Variants in UGGT2 observed in about 807,000 individuals in gnomAD.
UGGT2 encodes UDP-glucose:glycoprotein glucosyltransferase 2.
In UGGT2, 180 loss-of-function variants were observed where a neutral mutation model predicts 192.1. The ratio of observed to expected loss-of-function variants is 0.94; its 90% CI spans 0.83 to 1.06. The LOEUF is 1.06. Ranked by LOEUF, UGGT2 falls within the 50% of genes least tolerant of loss-of-function variation. UGGT2 has a pLI of 0.00. For missense variants in UGGT2, 1,849 were observed against 1,795.7 expected, an observed-to-expected ratio of 1.03 and a Z score of -0.54; for synonymous variants, 580 against 591.0, an observed-to-expected ratio of 0.98 and a Z score of 0.27.
At chr13:95,989,862 G>T in intron 8 of UGGT2, 111 bp downstream of exon 8, 1 of 613,610 alleles carries the variant, frequency 1.6e-6, no homozygotes, top group Non-Finnish European at 2.7e-6. Context: ...TTATTCACTA[G>T]TCATTAATAC....
intron 26 of UGGT2, among the ~76,000 whole-genome samples, chr13:95,886,832 C>T (rs1013625615): frequency 6.6e-5 from 10 of 152,050 alleles, no homozygotes; most frequent in Admixed American, 3.9e-4. Flanking sequence ...CTCTTGAGGC[C>T]AGGAGTTCAA....
intron 17 of UGGT2, among the ~76,000 whole-genome samples, chr13:95,929,651 G>A (rs1157990485): frequency 6.6e-6 from 1 of 152,154 alleles, no homozygotes; most frequent in African/African-American, 2.4e-5. Context: ...AGTATTCCAT[G>A]GTGTATATAT....
At chr13:95,803,139 CCTGGT>C (rs1884144372) in intron 38 of UGGT2, among the ~76,000 whole-genome samples, 1 of 151,792 alleles carries the variant, frequency 6.6e-6, no homozygotes, top group African/African-American at 2.4e-5. Context: ...CAGCCGATAG[CCTGGT>C]ATCTATTCTA....
At chr13:95,803,237 GA>G (rs1301548205) in intron 38 of UGGT2, among the ~76,000 whole-genome samples, 1 of 152,128 alleles carries the variant, frequency 6.6e-6, no homozygotes, top group African/African-American at 2.4e-5. Flanking sequence ...GGGTGGGAGA[GA>G]GGGGGAAAGA....
intron 38 of UGGT2, among the ~76,000 whole-genome samples, chr13:95,805,361 G>C: frequency 6.6e-6 from 1 of 151,756 alleles, no homozygotes; most frequent in Admixed American, 6.6e-5. Context: ...GTAAAATAAT[G>C]CAACTGCTAT....
At chr13:96,005,728 G>C (rs1015084254) in intron 5 of UGGT2, among the ~76,000 whole-genome samples, 1 of 152,186 alleles carries the variant, frequency 6.6e-6, no homozygotes, top group African/African-American at 2.4e-5. Context: ...GAACATCAGA[G>C]AATATCCCCT....
At chr13:95,905,092 T>C (rs2140305698) in intron 20 of UGGT2, among the ~76,000 whole-genome samples, 1 of 152,308 alleles carries the variant, frequency 6.6e-6, no homozygotes, top group Middle Eastern at 3.4e-3. Context: ...CATAAATGTC[T>C]TCTTTTGAGA....
chr13:95,870,385 T>A (rs1010443908), intron 29 of UGGT2, among the ~76,000 whole-genome samples: 1 of 152,212 alleles, frequency 6.6e-6, no homozygotes, highest in African/African-American at 2.4e-5. Context: ...TTGCATGTTA[T>A]TTGGAACTTA....
intron 12 of UGGT2, among the ~76,000 whole-genome samples, chr13:95,958,573 G>A (rs1160531878): frequency 2.0e-5 from 3 of 151,112 alleles, no homozygotes; most frequent in Admixed American, 2.0e-4. Context: ...AAATTTCAGA[G>A]AGGATTTTTC....
intron 12 of UGGT2, among the ~76,000 whole-genome samples, chr13:95,956,412 A>G (rs2050212995): frequency 1.3e-5 from 2 of 152,250 alleles, no homozygotes; most frequent in South Asian, 2.1e-4. Context: ...TGCAAATCAT[A>G]TATCTGATAA....
At chr13:95,949,147 G>A (rs1271409227) in intron 13 of UGGT2, among the ~76,000 whole-genome samples, 188 bp downstream of exon 13, 2 of 152,120 alleles carry the variant, frequency 1.3e-5, no homozygotes, top group Non-Finnish European at 2.9e-5. Flanking sequence ...AGCAGCATGA[G>A]AACGGACTAA....
chr13:95,911,379 A>G (rs1176825797), intron 20 of UGGT2, among the ~76,000 whole-genome samples: 2 of 152,164 alleles, frequency 1.3e-5, no homozygotes. Context: ...TCAAATAGAC[A>G]CAATAAAAAA....
intron 35 of UGGT2, 120 bp downstream of exon 35, chr13:95,854,194 AT>A (rs1263633157): frequency 9.8e-7 from 1 of 1,021,264 alleles, no homozygotes; most frequent in Non-Finnish European, 1.4e-6. Flanking sequence ...AATGAACACT[AT>A]GTAATTGGTT....
rs2047593679 is a variant in UGGT2, at chr13:95,884,650, C to T, written c.3069G>A (p.Leu1023=). 3 of 1,613,468 alleles carry T rather than the reference C, an allele frequency of 1.9e-6. No individual in the cohort carries two copies. In the Admixed American group the frequency reaches 5.0e-5, roughly 27 times the overall value. Residue 1023 remains leucine (L), a synonymous_variant, in exon 27 of 39, where the codon CTG becomes CTA. Transcript: ENST00000376747. ...SFYRFVLEPE[L]MSGANDVSSL... is the part of the protein sequence containing the mutation. Reference sequence around the variant, plus strand: ...AAGAAACGTCATTAGCCCCTGACATCAGTTCTGGTTCCAGAACAAAACGGT... The same window carrying T: ...AAGAAACGTCATTAGCCCCTGACATTAGTTCTGGTTCCAGAACAAAACGGT...
intron 36 of UGGT2, among the ~76,000 whole-genome samples, chr13:95,847,557 T>C (rs1017656402): frequency 2.0e-5 from 3 of 152,232 alleles, no homozygotes; most frequent in Admixed American, 6.5e-5. Flanking sequence ...TAATACAGTA[T>C]GTAATCTTTT....
intron 33 of UGGT2, among the ~76,000 whole-genome samples, chr13:95,858,533 T>A (rs1889842946): frequency 6.6e-6 from 1 of 152,126 alleles, no homozygotes; most frequent in African/African-American, 2.4e-5. Flanking sequence ...CCTCACACAC[T>A]GTTGCTGGAA....
chr13:95,856,756 G>A, intron 33 of UGGT2: 1 of 323,330 alleles, frequency 3.1e-6, no homozygotes, highest in Non-Finnish European at 5.9e-6. Context: ...ATGAAGAGAG[G>A]ATACAAAAAA....
chr13:95,944,686 A>G (rs1484927185), intron 15 of UGGT2, among the ~76,000 whole-genome samples: 2 of 152,020 alleles, frequency 1.3e-5, no homozygotes, highest in Non-Finnish European at 2.9e-5. Flanking sequence ...TTTAAAAATC[A>G]GTTACTCATT....
chr13:95,869,754 A>T (rs999951460), intron 29 of UGGT2, among the ~76,000 whole-genome samples: 8 of 152,230 alleles, frequency 5.3e-5, no homozygotes, highest in African/African-American at 1.9e-4. Flanking sequence ...CAAGCTAAGC[A>T]GTCAGAGGAA....
Sources: gnomAD v4.1 joint callset for allele counts (sites outside exome capture counted in the v4.1 genomes callset) on GRCh38, gnomAD v4.1.1 for gene constraint, MANE v1.5 for transcripts, NCBI Gene and HGNC (gene_info 2026-07-23, HGNC 2026-07-21) for gene names.